CLSTN2: variants seen among roughly 807,000 people sequenced by gnomAD.
CLSTN2 encodes the protein calsyntenin 2, also known as calsyntenin-2.
Under a neutral mutation model 101.2 loss-of-function variants are expected in CLSTN2, and 48 were observed. The ratio of observed to expected loss-of-function variants is 0.47; its 90% CI spans 0.38 to 0.60. CLSTN2 has a LOEUF of 0.60. CLSTN2 is among the 20% of genes least tolerant of loss of function. The probability of loss-of-function intolerance (pLI) is 0.00; values close to 1 mark genes in which losing one functional copy is unlikely to be tolerated. For synonymous variants in CLSTN2, 481 were observed against 463.6 expected (o/e 1.04, Z -0.48); for missense variants, 1,160 against 1,238.2 (o/e 0.94, Z 0.95).
intron 15 of CLSTN2, 41 bp from the exon 16 acceptor site, chr3:140,563,920 C>T (rs780246280): frequency 6.3e-7 from 1 of 1,597,016 alleles, no homozygotes. Context: ...ATGAGCTAGG[C>T]CTTTGTTCAC....
chr3:140,361,120 A>AT (rs1298668154), intron 2 of CLSTN2, among the ~76,000 whole-genome samples: 1 of 152,198 alleles, frequency 6.6e-6, no homozygotes, highest in Non-Finnish European at 1.5e-5. Flanking sequence ...ATATTGACAA[A>AT]TCATACCCAG....
intron 1 of CLSTN2, among the ~76,000 whole-genome samples, chr3:140,019,998 T>A (rs1184307775): frequency 6.6e-6 from 1 of 152,052 alleles, no homozygotes; most frequent in East Asian, 1.9e-4. Flanking sequence ...CTGTGGGAGA[T>A]GCCCAGGGAG....
At chr3:140,301,665 A>C (rs1051578590) in intron 2 of CLSTN2, among the ~76,000 whole-genome samples, 1 of 152,242 alleles carries the variant, frequency 6.6e-6, no homozygotes, top group African/African-American at 2.4e-5. Context: ...CTGGACTATA[A>C]TTTGAGAATT....
chr3:140,176,646 C>T (rs766151763), intron 2 of CLSTN2, among the ~76,000 whole-genome samples: 2 of 152,212 alleles, frequency 1.3e-5, no homozygotes, highest in Admixed American at 6.5e-5. Flanking sequence ...GTTTCCTCCT[C>T]GGACCCTCTT....
At chr3:140,139,596 G>T (rs58234866) in intron 1 of CLSTN2, among the ~76,000 whole-genome samples, 1 of 152,198 alleles carries the variant, frequency 6.6e-6, no homozygotes, top group African/African-American at 2.4e-5. Flanking sequence ...AAGCTCCCCA[G>T]CTGGTTCCAA....
At chr3:140,096,520 A>G (rs1221342705) in intron 1 of CLSTN2, among the ~76,000 whole-genome samples, 1 of 152,080 alleles carries the variant, frequency 6.6e-6, no homozygotes, top group Admixed American at 6.6e-5. Context: ...CTTTCCTGCT[A>G]TTGTGTTTTG....
chr3:140,283,136 T>C (rs2086864366), intron 2 of CLSTN2, among the ~76,000 whole-genome samples: 2 of 152,130 alleles, frequency 1.3e-5, no homozygotes, highest in Admixed American at 6.5e-5. Flanking sequence ...AAAAAAATAA[T>C]AGAAATACTT....
At chr3:139,943,708 T>A (rs1206469478) in intron 1 of CLSTN2, among the ~76,000 whole-genome samples, 1 of 152,156 alleles carries the variant, frequency 6.6e-6, no homozygotes, top group Non-Finnish European at 1.5e-5. Flanking sequence ...AGGCTACCGG[T>A]TCCCATCCCA....
intron 2 of CLSTN2, among the ~76,000 whole-genome samples, chr3:140,273,555 G>T (rs867873612): frequency 6.6e-6 from 1 of 152,074 alleles, no homozygotes; most frequent in African/African-American, 2.4e-5. Flanking sequence ...TAATAATCAG[G>T]TGCAGAGGAA....
chr3:140,375,950 CTTA>C (rs2087912975), intron 2 of CLSTN2, among the ~76,000 whole-genome samples: 1 of 152,050 alleles, frequency 6.6e-6, no homozygotes. Flanking sequence ...ACAATAAAGA[CTTA>C]TTAGGAGAAT....
At chr3:140,318,845 T>A (rs971036961) in intron 2 of CLSTN2, among the ~76,000 whole-genome samples, 1 of 152,168 alleles carries the variant, frequency 6.6e-6, no homozygotes, top group Non-Finnish European at 1.5e-5. Context: ...AGTGGAGAAT[T>A]TAAACTTTAA....
intron 4 of CLSTN2, among the ~76,000 whole-genome samples, chr3:140,414,497 A>T (rs2088404344): frequency 1.3e-5 from 2 of 152,050 alleles, no homozygotes; most frequent in Admixed American, 6.5e-5. Context: ...ATTTTCACTT[A>T]TAAATGGGAG....
At chr3:140,305,023 G>GACACACACACAC (rs374893786) in intron 2 of CLSTN2, among the ~76,000 whole-genome samples, 31 of 143,166 alleles carry the variant, frequency 2.2e-4, no homozygotes, top group East Asian at 1.0e-3. Flanking sequence ...CACACACAGA[G>GACACACACACAC]ACACACACAC....
chr3:140,433,939 A>G (rs2088662076), intron 5 of CLSTN2, among the ~76,000 whole-genome samples: 1 of 152,140 alleles, frequency 6.6e-6, no homozygotes, highest in African/African-American at 2.4e-5. Context: ...TCCCTTCCTC[A>G]GATGGATGCT....
At chr3:140,548,231 G>T (rs928159324) in intron 10 of CLSTN2, among the ~76,000 whole-genome samples, 1 of 152,216 alleles carries the variant, frequency 6.6e-6, no homozygotes, top group Non-Finnish European at 1.5e-5. Context: ...GAAAAGAAAT[G>T]TTCTGAGGAA....
chr3:139,965,189 T>C (rs922200270), intron 1 of CLSTN2, among the ~76,000 whole-genome samples: 2 of 152,224 alleles, frequency 1.3e-5, no homozygotes, highest in African/African-American at 4.8e-5. Flanking sequence ...GGTTCTATCA[T>C]TAGCTCAAGA....
At chr3:140,357,684 A>G (rs115066519) in intron 2 of CLSTN2, among the ~76,000 whole-genome samples, 97 of 152,276 alleles carry the variant, frequency 6.4e-4, no homozygotes, top group Middle Eastern at 3.4e-3. Flanking sequence ...AGACTCCACT[A>G]TCTGTCTCAT....
intron 2 of CLSTN2, among the ~76,000 whole-genome samples, chr3:140,322,014 C>T (rs1237190907): frequency 2.6e-5 from 4 of 152,228 alleles, no homozygotes; most frequent in Non-Finnish European, 5.9e-5. Flanking sequence ...CTACCACCCT[C>T]TGTAGCTCCA....
At chr3:140,105,529 C>T (rs911673963) in intron 1 of CLSTN2, among the ~76,000 whole-genome samples, 4 of 152,210 alleles carry the variant, frequency 2.6e-5, no homozygotes, top group Admixed American at 6.5e-5. Flanking sequence ...ACTGCCCACT[C>T]CTAGGACCTG....
Sources: gnomAD v4.1 joint callset for allele counts (sites outside exome capture counted in the v4.1 genomes callset) on GRCh38, gnomAD v4.1.1 for gene constraint, MANE v1.5 for transcripts, NCBI Gene and HGNC (gene_info 2026-07-23, HGNC 2026-07-21) for gene names.